Variants in THSD7B observed in about 807,000 individuals in gnomAD.
THSD7B encodes the protein thrombospondin type-1 domain-containing protein 7B.
A neutral mutation model predicts 213.6 loss-of-function variants in THSD7B; 138 were observed. The observed-to-expected ratio is 0.65, with a 90% CI of 0.56 to 0.74. The LOEUF (loss-of-function observed/expected upper bound fraction) is 0.74. THSD7B is among the 30% of genes least tolerant of loss of function. The probability of loss-of-function intolerance (pLI) is 0.00; values close to 1 mark genes in which losing one functional copy is unlikely to be tolerated. For synonymous variants in THSD7B, 742 were observed against 687.0 expected (o/e 1.08, Z -1.25); for missense variants, 1,931 against 1,991.5 (o/e 0.97, Z 0.58).
At chr2:137,523,600 A>T (rs1680226091) in intron 15 of THSD7B, among the ~76,000 whole-genome samples, 1 of 152,300 alleles carries the variant, frequency 6.6e-6, no homozygotes, top group South Asian at 2.1e-4. Context: ...ATACTCAATA[A>T]TTGTCTGCCC....
chr2:137,651,202 C>G (rs1683130939), intron 21 of THSD7B, among the ~76,000 whole-genome samples: 1 of 151,890 alleles, frequency 6.6e-6, no homozygotes, highest in African/African-American at 2.4e-5. Flanking sequence ...CCATCAGAGT[C>G]TGGGTTTTTT....
At chr2:136,902,449 A>G (rs760386652) in intron 2 of THSD7B, among the ~76,000 whole-genome samples, 2 of 152,240 alleles carry the variant, frequency 1.3e-5, no homozygotes, top group Non-Finnish European at 2.9e-5. Flanking sequence ...CTTCATTAAC[A>G]AGTGAGAAAA....
chr2:136,930,684 A>C (rs1023489671), intron 2 of THSD7B, among the ~76,000 whole-genome samples: 1 of 152,156 alleles, frequency 6.6e-6, no homozygotes, highest in Admixed American at 6.5e-5. Flanking sequence ...CTAAAGAGTA[A>C]AGAGTCCAAG....
At chr2:137,253,645 C>T (rs1682238274) in intron 10 of THSD7B, among the ~76,000 whole-genome samples, 1 of 152,062 alleles carries the variant, frequency 6.6e-6, no homozygotes, top group South Asian at 2.1e-4. Flanking sequence ...TTTATAGAAA[C>T]CAAGGTACCC....
chr2:137,495,809 G>A (rs1679548826), intron 15 of THSD7B, among the ~76,000 whole-genome samples: 1 of 152,056 alleles, frequency 6.6e-6, no homozygotes, highest in African/African-American at 2.4e-5. Context: ...TTTGTAGTGG[G>A]ACAAAATATA....
At chr2:137,225,085 T>G (rs1681465889) in intron 7 of THSD7B, among the ~76,000 whole-genome samples, 1 of 152,234 alleles carries the variant, frequency 6.6e-6, no homozygotes. Flanking sequence ...TTTTTCACTT[T>G]GTGAGCATCT....
chr2:137,401,451 C>G (rs1318240394), intron 12 of THSD7B, among the ~76,000 whole-genome samples: 1 of 152,032 alleles, frequency 6.6e-6, no homozygotes, highest in Non-Finnish European at 1.5e-5. Context: ...AAAATGATTG[C>G]TTTTATACTA....
At chr2:137,031,568 C>G (rs551592342) in intron 2 of THSD7B, among the ~76,000 whole-genome samples, 16 of 152,028 alleles carry the variant, frequency 1.1e-4, no homozygotes, top group South Asian at 1.0e-3. Context: ...CAGCACAGTA[C>G]CTAGCTCATA....
chr2:137,349,853 ATGT>A (rs979468217), intron 12 of THSD7B, among the ~76,000 whole-genome samples: 1 of 151,950 alleles, frequency 6.6e-6, no homozygotes, highest in African/African-American at 2.4e-5. Flanking sequence ...GAGGGAAAAA[ATGT>A]TGTTTAAAGG....
chr2:137,350,992 A>G (rs1410714021), intron 12 of THSD7B, among the ~76,000 whole-genome samples: 1 of 151,824 alleles, frequency 6.6e-6, no homozygotes, highest in Non-Finnish European at 1.5e-5. Context: ...GCCTGACAAA[A>G]TAGCCTAGTG....
chr2:137,005,419 C>T (rs892363763), intron 2 of THSD7B, among the ~76,000 whole-genome samples: 1 of 152,206 alleles, frequency 6.6e-6, no homozygotes, highest in African/African-American at 2.4e-5. Flanking sequence ...ATCAGTGAAA[C>T]GGCCCATCCT....
intron 2 of THSD7B, among the ~76,000 whole-genome samples, chr2:136,975,744 GAAA>G (rs1372133836): frequency 1.3e-5 from 2 of 152,132 alleles, no homozygotes; most frequent in Non-Finnish European, 2.9e-5. Flanking sequence ...TAGTTTGATG[GAAA>G]TAGCATTCAA....
In THSD7B at chr2:137,142,261, T is replaced by C. The variant is rs977251646; in HGVS notation, c.1370-17952T>C. Reference sequence around the variant, plus strand: ...TTATAACATGGCAGAAAGTATCACATGGCAGAAGGACAGAGAGAGAATGAG... The same window carrying C: ...TTATAACATGGCAGAAAGTATCACACGGCAGAAGGACAGAGAGAGAATGAG... On this transcript the variant is annotated intron_variant, in intron 5 of 27. Coordinates refer to ENST00000409968, the MANE Select transcript of THSD7B (RefSeq NM_001316349.2). 5.3e-5 allele frequency among the ~76,000 whole-genome samples: 8 copies of C among 152,108 alleles called. No homozygotes were observed. The South Asian group carries it at 1.2e-3, about 24-fold the overall frequency.
At chr2:137,036,004 A>G (rs1255782425) in intron 2 of THSD7B, among the ~76,000 whole-genome samples, 1 of 152,208 alleles carries the variant, frequency 6.6e-6, no homozygotes, top group Non-Finnish European at 1.5e-5. Context: ...CAGTACTGTA[A>G]AGTACATAAA....
At chr2:137,080,158 A>G (rs1345323889) in intron 3 of THSD7B, among the ~76,000 whole-genome samples, 3 of 147,778 alleles carry the variant, frequency 2.0e-5, no homozygotes, top group African/African-American at 7.6e-5. Flanking sequence ...TTTTAAATAT[A>G]TGTAAATATA....
At chr2:137,432,095 T>A (rs1166986567) in intron 14 of THSD7B, among the ~76,000 whole-genome samples, 6 of 152,180 alleles carry the variant, frequency 3.9e-5, no homozygotes, top group Admixed American at 6.5e-5. Context: ...TAAAAAAAAA[T>A]TAAAAACTTG....
chr2:136,983,852 A>G (rs1024513922), intron 2 of THSD7B, among the ~76,000 whole-genome samples: 22 of 152,178 alleles, frequency 1.4e-4, no homozygotes, highest in African/African-American at 5.1e-4. Flanking sequence ...GGACTTCATG[A>G]GAGTGTTTAG....
At chr2:136,910,387 G>A (rs1253979521) in intron 2 of THSD7B, among the ~76,000 whole-genome samples, 5 of 151,944 alleles carry the variant, frequency 3.3e-5, no homozygotes, top group Admixed American at 2.0e-4. Context: ...CTCACATTTG[G>A]GATTAGTCAT....
intron 1 of THSD7B, among the ~76,000 whole-genome samples, chr2:136,860,422 T>G (rs1483641409): frequency 6.6e-6 from 1 of 152,198 alleles, no homozygotes; most frequent in Non-Finnish European, 1.5e-5. Flanking sequence ...CTATTTCTCC[T>G]TGGATGAATA....
Sources: gnomAD v4.1 joint callset for allele counts (sites outside exome capture counted in the v4.1 genomes callset) on GRCh38, gnomAD v4.1.1 for gene constraint, MANE v1.5 for transcripts, NCBI Gene and HGNC (gene_info 2026-07-23, HGNC 2026-07-21) for gene names.